The following IFT57 variants were observed in gnomAD, a reference collection of about 807,000 sequenced individuals.
The protein encoded by IFT57 is intraflagellar transport protein 57 homolog.
IFT57 carries 59 observed loss-of-function variants against 56.8 expected under a neutral mutation model. That is an observed-to-expected ratio of 1.04 (90% CI 0.84 to 1.29). The LOEUF (loss-of-function observed/expected upper bound fraction) is 1.29. Among genes scored for constraint, IFT57 ranks in the 50% most tolerant of loss-of-function variants. IFT57 has a pLI of 0.00. For missense variants in IFT57, 470 were observed against 522.1 expected (o/e 0.90, Z 0.97); for synonymous variants, 209 against 186.1 (o/e 1.12, Z -1.00).
chr3:108,207,826 G>A (rs1045517179), intron 4 of IFT57, among the ~76,000 whole-genome samples: 5 of 152,050 alleles, frequency 3.3e-5, no homozygotes, highest in Admixed American at 2.0e-4. Context: ...GGCGGATCAC[G>A]AGGTCAGGAG....
At chr3:108,198,467 G>A (rs557652280) in intron 5 of IFT57, among the ~76,000 whole-genome samples, 2 of 152,060 alleles carry the variant, frequency 1.3e-5, no homozygotes, top group South Asian at 4.2e-4. Flanking sequence ...TTTGAGACAG[G>A]GTCTCGCTCT....
chr3:108,199,894 GAGAC>G (rs1162590767), intron 5 of IFT57, among the ~76,000 whole-genome samples: 2 of 152,182 alleles, frequency 1.3e-5, no homozygotes, highest in Non-Finnish European at 2.9e-5. Context: ...GTCAGGTAGA[GAGAC>G]AGTGGGAAGG....
At chr3:108,218,332 G>A in intron 3 of IFT57, 2 of 362,410 alleles carry the variant, frequency 5.5e-6, no homozygotes, top group Non-Finnish European at 5.0e-6. Context: ...ATAATAATAT[G>A]TAACACATTA....
intron 4 of IFT57, among the ~76,000 whole-genome samples, chr3:108,210,583 C>A (rs1442792594): frequency 6.6e-6 from 1 of 151,898 alleles, no homozygotes; most frequent in African/African-American, 2.4e-5. Context: ...TCTGCCCACC[C>A]CAGCCTCCCA....
At chr3:108,207,539 A>T (rs2080320186) in intron 4 of IFT57, among the ~76,000 whole-genome samples, 1 of 152,232 alleles carries the variant, frequency 6.6e-6, no homozygotes, top group South Asian at 2.1e-4. Context: ...TGATTTTATA[A>T]GGAAAAAAGA....
rs138671329 is a variant in IFT57, at chr3:108,178,030, T to C, written c.778-10166A>G. Among the ~76,000 whole-genome samples the C allele has an allele frequency of 5.1e-3, 771 of 151,904 alleles. 13 individuals carry two copies. Among genetic ancestry groups the C allele is most frequent in the African/African-American group, 0.018 (739 of 41,506 alleles). ...ATACATAAAAAATTGTATTTCTATA[T>C]ACCAGCAACAAATAAACATAAAATA... On this transcript the variant is annotated intron_variant, in intron 6 of 10. Transcript: ENST00000264538.
intron 5 of IFT57, among the ~76,000 whole-genome samples, chr3:108,204,158 T>A (rs2080295819): frequency 2.6e-5 from 4 of 152,122 alleles, no homozygotes; most frequent in Admixed American, 2.6e-4. Context: ...GGCAGATGGC[T>A]TTAGTGGGCA....
At chr3:108,176,142 G>A (rs723273) in intron 6 of IFT57, among the ~76,000 whole-genome samples, 12,168 of 151,702 alleles carry the variant, frequency 0.08, 596 homozygotes, top group Middle Eastern at 0.11. Flanking sequence ...TATAATTACC[G>A]GTGAAACCTT....
At chr3:108,172,546 C>A (rs115439011) in intron 6 of IFT57, among the ~76,000 whole-genome samples, 1 of 151,666 alleles carries the variant, frequency 6.6e-6, no homozygotes, top group Non-Finnish European at 1.5e-5. Context: ...CAGGTAGGGA[C>A]CCAGTTAGAA....
chr3:108,219,180 T>C (rs144526173), intron 2 of IFT57, among the ~76,000 whole-genome samples: 8 of 152,156 alleles, frequency 5.3e-5, no homozygotes, highest in African/African-American at 9.6e-5. Flanking sequence ...CTCTCAGATA[T>C]ATCAAGATTT....
chr3:108,197,017 T>C (rs907416166), intron 5 of IFT57, among the ~76,000 whole-genome samples: 1 of 152,200 alleles, frequency 6.6e-6, no homozygotes, highest in Non-Finnish European at 1.5e-5. Flanking sequence ...GGGTCACTTG[T>C]ACAAGAGAAA....
intron 5 of IFT57, among the ~76,000 whole-genome samples, chr3:108,192,743 A>G (rs888940105): frequency 4.8e-4 from 73 of 152,130 alleles, no homozygotes; most frequent in Non-Finnish European, 1.9e-4. Context: ...AATAATCTAT[A>G]AAAAGATATT....
intron 6 of IFT57, among the ~76,000 whole-genome samples, chr3:108,189,610 T>G (rs893453249): frequency 2.6e-5 from 4 of 152,154 alleles, no homozygotes; most frequent in Non-Finnish European, 5.9e-5. Context: ...TCTAGATGTC[T>G]CTTTAGCCCC....
At chr3:108,195,031 C>A (rs1368996571) in intron 5 of IFT57, among the ~76,000 whole-genome samples, 1 of 152,096 alleles carries the variant, frequency 6.6e-6, no homozygotes, top group Non-Finnish European at 1.5e-5. Flanking sequence ...AATGAAGAGA[C>A]AACCCACAGA....
In IFT57 at chr3:108,215,910, C is replaced by T. The variant is rs189995501; in HGVS notation, c.495-1889G>A. 5.8e-3 allele frequency among the ~76,000 whole-genome samples: 883 copies of T among 152,180 alleles called. 6 individuals are homozygous for T. The highest frequency in any genetic ancestry group is 0.02 in the South Asian group (97 of 4,824). ...AACAAAAAAAGAAAAATAAATAGTA[C>T]TGGGGAAACTGGATATCCACATGCA... On this transcript the variant is annotated intron_variant, in intron 3 of 10. Transcript: ENST00000264538.
chr3:108,163,641 C>T lies in IFT57; in HGVS notation c.1111+22G>A, dbSNP rs775002927. ...TATTTTTCTCTTGCTCAGTTTTTCC[C>T]CTAAAATGAGCATGTACTTACCACC... On this transcript the variant is annotated intron_variant, in intron 10 of 10. Coordinates refer to ENST00000264538, the MANE Select transcript of IFT57 (RefSeq NM_018010.4). 4 of 1,567,792 alleles carry T rather than the reference C, an allele frequency of 2.6e-6. No individual in the cohort carries two copies. In the South Asian group the frequency reaches 3.4e-5, roughly 13 times the overall value.
At chr3:108,209,489 T>C (rs565412469) in intron 4 of IFT57, among the ~76,000 whole-genome samples, 1 of 152,306 alleles carries the variant, frequency 6.6e-6, no homozygotes, top group Non-Finnish European at 1.5e-5. Context: ...CGACTTTTGA[T>C]GGTAAATTTT....
intron 10 of IFT57, among the ~76,000 whole-genome samples, 196 bp from the exon 11 acceptor site, chr3:108,162,851 A>G (rs2080041415): frequency 6.6e-6 from 1 of 152,082 alleles, no homozygotes; most frequent in African/African-American, 2.4e-5. Flanking sequence ...AAAATGATGT[A>G]GTGTTTGATG....
At chr3:108,195,059 C>A (rs1029630178) in intron 5 of IFT57, among the ~76,000 whole-genome samples, 3 of 151,978 alleles carry the variant, frequency 2.0e-5, no homozygotes, top group African/African-American at 7.3e-5. Context: ...AAAATATTTG[C>A]AAACTACCCA....
Sources: gnomAD v4.1 joint callset for allele counts (sites outside exome capture counted in the v4.1 genomes callset) on GRCh38, gnomAD v4.1.1 for gene constraint, MANE v1.5 for transcripts, NCBI Gene and HGNC (gene_info 2026-07-23, HGNC 2026-07-21) for gene names.